NFKB2: variants seen among roughly 807,000 people sequenced by gnomAD.
NFKB2 encodes nuclear factor kappa B subunit 2, also known as nuclear factor NF-kappa-B p100 subunit.
In NFKB2, 21 loss-of-function variants were observed where a neutral mutation model predicts 109.3. That is an observed-to-expected ratio of 0.19 (90% CI 0.14 to 0.28). NFKB2 has a LOEUF of 0.28. NFKB2 is among the 10% of genes least tolerant of loss of function. The probability of loss-of-function intolerance (pLI) is 1.00; values close to 1 mark genes in which losing one functional copy is unlikely to be tolerated. For synonymous variants in NFKB2, 478 were observed against 489.9 expected (o/e 0.98, Z 0.32); for missense variants, 806 against 1,185.3 (o/e 0.68, Z 4.70).
Position 102,397,513 on chromosome 10 carries a change from T to G in NFKB2, c.503-14T>G. 1 of 1,612,058 alleles carries G rather than the reference T, an allele frequency of 6.2e-7. No homozygotes were observed. The highest frequency in any genetic ancestry group is 1.1e-5 in the South Asian group (1 of 91,024). On this transcript the variant is annotated splice_polypyrimidine_tract_variant and intron_variant, in intron 7 of 22. Transcript: ENST00000661543. The surrounding 1 kb of genome is among the most constrained non-coding windows in gnomAD (Gnocchi z 4.7). ...GGGAGAAGCCCAGGGGTCACACATG[T>G]ACCTACTGCCCAGAGGCCGAGCAGC...
chr10:102,396,098 A>C lies in NFKB2; in HGVS notation c.21+118A>C. Reference sequence around the variant, plus strand: ...TGCTCGCAGATGCTCTCAGCCTGCCAGTCTGTCCATCTGTCTGCAACTCTG... The same window carrying C: ...TGCTCGCAGATGCTCTCAGCCTGCCCGTCTGTCCATCTGTCTGCAACTCTG... On this transcript the variant is annotated intron_variant, in intron 2 of 22. Coordinates refer to ENST00000661543, the MANE Select transcript of NFKB2 (RefSeq NM_001322934.2). This position sits in a 1 kb window ranked among gnomAD's most constrained non-coding sequence, Gnocchi z 5.9. 1 of 1,498,888 alleles carries C rather than the reference A, an allele frequency of 6.7e-7. No homozygotes were observed. 92.8% of individuals were successfully genotyped at this position (1,498,888 alleles called of 1,614,324 possible).
In NFKB2 at chr10:102,396,804, A is replaced by G; in HGVS notation, c.224A>G (p.Lys75Arg). 1 of 1,612,538 alleles carries G rather than the reference A, an allele frequency of 6.2e-7. No individual in the cohort carries two copies. The highest frequency in any genetic ancestry group is 1.1e-5 in the South Asian group (1 of 91,068). ...GGTGCCTCCAGTGAGAAGGGCCGAA[A>G]GACCTATCCCACTGTCAAGGTGAGC... The part of the protein sequence containing the change: ...LPGASSEKGR[K>R]TYPTVKICNY... Residue 75 changes from lysine (K) to arginine (R), a missense_variant, in exon 5 of 23, where the codon AAG becomes AGG. Lys to Arg is a conservative substitution (Grantham distance 26). Coordinates refer to ENST00000661543, the MANE Select transcript of NFKB2 (RefSeq NM_001322934.2). The surrounding 1 kb of genome is among the most constrained non-coding windows in gnomAD (Gnocchi z 5.9).
upstream of NFKB2, chr10:102,395,586 A>G (rs947391437): frequency 1.5e-5 from 6 of 398,814 alleles, no homozygotes; most frequent in African/African-American, 1.0e-4. Context: ...GAGCCCGTAG[A>G]CTGTCGAGGG....
At position 102,400,415 on chromosome 10, in the gene NFKB2, T is replaced by C. The variant is rs2135437836; in HGVS notation, c.1722T>C (p.Ala574=). 6.2e-7 allele frequency: 1 copy of C among 1,613,012 alleles called. No individual in the cohort carries two copies. Among genetic ancestry groups the C allele is most frequent in the Non-Finnish European group, 8.5e-7 (1 of 1,179,990 alleles). The change falls in exon 16 of 23, where the codon GCT becomes GCC. Residue 574 remains alanine, a synonymous_variant. Transcript: ENST00000661543. The surrounding 1 kb of genome is among the most constrained non-coding windows in gnomAD (Gnocchi z 6.3). ...TGGCGCTGCGGGCAGGCGCTGGTGC[T>C]CCTGAGCTGCTGCGTGCACTGCTTC... The part of the protein sequence containing the change: ...MHLALRAGAG[A]PELLRALLQS...
chr10:102,402,291 T>C lies in NFKB2; in HGVS notation c.2618T>C (p.Val873Ala). ...KEDSAYGSQS[V>A]EQEAEKLGPP... ...GACAGTGCGTACGGGAGCCAGTCAG[T>C]GGAGCAGGAGGCAGAGAAGCTGGGC... Residue 873 changes from valine to alanine, a missense_variant, in exon 23 of 23, where the codon GTG (valine) becomes GCG (alanine). By Grantham distance (64) the Val-to-Ala change is moderately conservative. Transcript: ENST00000661543. 6.4e-7 allele frequency: 1 copy of C among 1,560,842 alleles called. No individual in the cohort carries two copies. Among genetic ancestry groups the C allele is most frequent in the Non-Finnish European group, 8.7e-7 (1 of 1,152,230 alleles).
At position 102,399,654 on chromosome 10, in the gene NFKB2, G is replaced by A; in HGVS notation, c.1405G>A (p.Asp469Asn). ...CCTACTCGACTACGGCGTCACCGCG[G>A]ACGCGCGCGCGCTGCTGGCGGGACA... ...RALLDYGVTADARALLAGQRH... is the reference protein window; with the variant it reads ...RALLDYGVTANARALLAGQRH... Residue 469 changes from aspartate (D) to asparagine (N), a missense_variant, in exon 14 of 23, where the codon GAC becomes AAC. By Grantham distance (23) the Asp-to-Asn change is conservative. Coordinates refer to ENST00000661543, the MANE Select transcript of NFKB2 (RefSeq NM_001322934.2). 1 of 1,535,006 alleles carries A rather than the reference G, an allele frequency of 6.5e-7. No individual in the cohort carries two copies. Among genetic ancestry groups the A allele is most frequent in the Non-Finnish European group, 8.8e-7 (1 of 1,139,614 alleles).
intron 12 of NFKB2, 80 bp from the exon 13 acceptor site, chr10:102,399,208 T>G: frequency 3.8e-6 from 5 of 1,319,774 alleles, no homozygotes; most frequent in Non-Finnish European, 4.1e-6. Flanking sequence ...AGAGCGAAAC[T>G]CCGTCTCAAA....
In NFKB2 at chr10:102,395,793, G is replaced by A. The variant is rs1385616834; in HGVS notation, c.-76G>A. The A allele has an allele frequency of 4.5e-6, 3 of 673,374 alleles. No homozygotes were observed. The highest frequency in any genetic ancestry group is 2.8e-5 in the East Asian group (1 of 36,338). 41.7% of individuals were successfully genotyped at this position (673,374 alleles called of 1,614,324 possible). A position where few individuals can be genotyped will look rare whatever the true frequency, so the allele number is the denominator to read the frequency against. On this transcript the variant is annotated 5_prime_UTR_variant, in exon 1 of 23. Transcript: ENST00000661543. ...CGCCACACCCGGACAGGCGGCTGGA[G>A]GAGGTCGGACCCTCCCCCAAATCTG...
At position 102,401,190 on chromosome 10, in the gene NFKB2, C is replaced by T; in HGVS notation, c.2082C>T (p.Ile694=). ...GCCTCCCTCTCCCAGGTGCTGACAT[C>T]CATGCTGAAAACGAGGAGCCCCTGT... is the stretch of plus-strand genomic sequence containing the variant. ...TRLLLKAGAD[I]HAENEEPLCP... is the part of the protein sequence containing the mutation. Residue 694 remains isoleucine (I), a synonymous_variant, in exon 19 of 23, where the codon ATC becomes ATT. Coordinates refer to ENST00000661543, the MANE Select transcript of NFKB2 (RefSeq NM_001322934.2). The surrounding 1 kb of genome is among the most constrained non-coding windows in gnomAD (Gnocchi z 4.2). 4.4e-6 allele frequency: 7 copies of T among 1,593,430 alleles called. No homozygotes were observed. The highest frequency in any genetic ancestry group is 6.0e-6 in the Non-Finnish European group (7 of 1,167,716).
At position 102,398,538 on chromosome 10, in the gene NFKB2, A is replaced by G; in HGVS notation, c.991+15A>G. The G allele has an allele frequency of 3.1e-6, 5 of 1,612,778 alleles. No individual in the cohort carries two copies. The highest frequency in any genetic ancestry group is 4.2e-6 in the Non-Finnish European group (5 of 1,179,080). On this transcript the variant is annotated intron_variant, in intron 11 of 22. Coordinates refer to ENST00000661543, the MANE Select transcript of NFKB2 (RefSeq NM_001322934.2). The surrounding 1 kb of genome is among the most constrained non-coding windows in gnomAD (Gnocchi z 6.6). ...TCTGGTGGAAGGTGGAGCTGGGCTG[A>G]GGACCTCAGGGTGCTGGCGGGGGGC...
chr10:102,394,380 G>C (rs1407576266), upstream of NFKB2: 1 of 152,370 alleles, frequency 6.6e-6, no homozygotes, highest in Non-Finnish European at 1.5e-5. Context: ...TCAGGGGCGC[G>C]CCCGAGTCGC....
In NFKB2 at chr10:102,399,602, C is replaced by T; in HGVS notation, c.1353C>T (p.Phe451=). The T allele has an allele frequency of 6.5e-7, 1 of 1,548,790 alleles. No homozygotes were observed. Among genetic ancestry groups the T allele is most frequent in the Non-Finnish European group, 8.7e-7 (1 of 1,146,628 alleles). The change falls in exon 14 of 23, where the codon TTC becomes TTT. Residue 451 remains phenylalanine (F), a synonymous_variant. Coordinates refer to ENST00000661543, the MANE Select transcript of NFKB2 (RefSeq NM_001322934.2). The part of the protein sequence containing the change: ...QRAREYNARL[F]GLAQRSARAL... ...CTCGAGAGTACAACGCGCGCCTGTT[C>T]GGCCTGGCGCAGCGCAGCGCCCGAG...
rs1186740837 is a variant in NFKB2, at chr10:102,398,257, AGGCCTTTGGGGACTTCTC to A, written c.813_830del (p.Gln271_Ser277delinsHis). 6.2e-7 allele frequency: 1 copy of A among 1,614,024 alleles called. No homozygotes were observed. Among genetic ancestry groups the A allele is most frequent in the Non-Finnish European group, 8.5e-7 (1 of 1,180,024 alleles). ...TATGAGGATGATGAGAATGGATGGC[AGGCCTTTGGGGACTTCTC>A]TCCCACAGATGTGCATAAACAGGTA... On this transcript the variant is annotated inframe_deletion, in exon 10 of 23. Transcript: ENST00000661543. This position sits in a 1 kb window ranked among gnomAD's most constrained non-coding sequence, Gnocchi z 6.6.
Position 102,400,463 on chromosome 10 carries a change from C to T in NFKB2, c.1770C>T (p.Pro590=). 6.2e-7 allele frequency: 1 copy of T among 1,610,412 alleles called. No homozygotes were observed. Among genetic ancestry groups the T allele is most frequent in the South Asian group, 1.1e-5 (1 of 90,804 alleles). The change falls in exon 16 of 23, where the codon CCC becomes CCT. Residue 590 remains proline (P), a synonymous_variant. Coordinates refer to ENST00000661543, the MANE Select transcript of NFKB2 (RefSeq NM_001322934.2). The surrounding 1 kb of genome is among the most constrained non-coding windows in gnomAD (Gnocchi z 6.3). ...TTCAGAGTGGAGCTCCTGCTGTGCC[C>T]CAGCTGTTGCATATGCCTGACTTTG... ...ALLQSGAPAV[P]QLLHMPDFEG... is the part of the protein sequence containing the mutation.
chr10:102,398,627 G>C lies in NFKB2; in HGVS notation c.991+104G>C. Reference sequence around the variant, plus strand: ...GGGATGCATGAGCCAAGTCAGAAGTGCGAGGGTCCCAGGAGGTGCTTCCTA... The same window carrying C: ...GGGATGCATGAGCCAAGTCAGAAGTCCGAGGGTCCCAGGAGGTGCTTCCTA... On this transcript the variant is annotated intron_variant, in intron 11 of 22. Transcript: ENST00000661543. The surrounding 1 kb of genome is among the most constrained non-coding windows in gnomAD (Gnocchi z 6.6). 1.9e-6 allele frequency: 3 copies of C among 1,610,472 alleles called. No individual in the cohort carries two copies. In the South Asian group the frequency reaches 3.3e-5, roughly 18 times the overall value.
In NFKB2 at chr10:102,401,686, T is replaced by A; in HGVS notation, c.2294-59T>A. The A allele has an allele frequency of 6.4e-7, 1 of 1,555,256 alleles. No homozygotes were observed. Among genetic ancestry groups the A allele is most frequent in the Non-Finnish European group, 8.7e-7 (1 of 1,146,830 alleles). ...TTGGGAGAAAGGCAGTGTTCAGGTG[T>A]CCATGTCCCCACCCAACTCTGGAGG... On this transcript the variant is annotated intron_variant, in intron 20 of 22. Transcript: ENST00000661543. This position sits in a 1 kb window ranked among gnomAD's most constrained non-coding sequence, Gnocchi z 4.2.
At position 102,396,726 on chromosome 10, in the gene NFKB2, G is replaced by C; in HGVS notation, c.146G>C (p.Arg49Thr). 6.2e-7 allele frequency: 1 copy of C among 1,611,632 alleles called. No homozygotes were observed. Among genetic ancestry groups the C allele is most frequent in the Non-Finnish European group, 8.5e-7 (1 of 1,177,938 alleles). Residue 49 changes from arginine to threonine, a missense_variant and splice_region_variant, in exon 5 of 23, where the codon AGA (arginine) becomes ACA (threonine). Around this residue, in one of 10 missense-constraint regions of NFKB2, gnomAD observed 24 missense variants for 105.2 expected, o/e 0.23. Transcript: ENST00000661543. This position sits in a 1 kb window ranked among gnomAD's most constrained non-coding sequence, Gnocchi z 5.9. ...YLVIVEQPKQRGFRFRYGCEG... is the reference protein window; with the variant it reads ...YLVIVEQPKQTGFRFRYGCEG... ...GCTACTATGCCCTTGGACCTTCAGA[G>C]AGGCTTCCGATTTCGATATGGCTGT...
At position 102,401,108 on chromosome 10, in the gene NFKB2, C is replaced by G. The variant is rs2061233299; in HGVS notation, c.2071+59C>G. 1 of 1,611,698 alleles carries G rather than the reference C, an allele frequency of 6.2e-7. No homozygotes were observed. Among genetic ancestry groups the G allele is most frequent in the African/African-American group, 1.3e-5 (1 of 74,960 alleles). On this transcript the variant is annotated intron_variant, in intron 18 of 22. Transcript: ENST00000661543. The surrounding 1 kb of genome is among the most constrained non-coding windows in gnomAD (Gnocchi z 4.2). ...TGGGGGGAAGGGAGAGAGGTGCCTC[C>G]CAGTCCCCCGACTTTGCAGTCCTTA...
Position 102,396,284 on chromosome 10 carries a change from T to A in NFKB2, c.53T>A (p.Phe18Tyr). Residue 18 changes from phenylalanine to tyrosine, a missense_variant, in exon 3 of 23, where the codon TTC becomes TAC. By Grantham distance (22) the Phe-to-Tyr change is conservative. This residue lies in a region of NFKB2 where 39 missense variants were observed against 35.6 expected (regional missense o/e 1.09). Transcript: ENST00000661543. This position sits in a 1 kb window ranked among gnomAD's most constrained non-coding sequence, Gnocchi z 5.9. ...GLDGIIEYDD[F>Y]KLNSSIVEPK... ...GATGGTATTATTGAATATGATGATT[T>A]CAAATTGAACTCCTCCATTGTGGAA... 6.2e-7 allele frequency: 1 copy of A among 1,612,800 alleles called. No homozygotes were observed. The highest frequency in any genetic ancestry group is 1.3e-5 in the African/African-American group (1 of 74,930).
Sources: allele counts gnomAD v4.1 joint callset, GRCh38; gene constraint gnomAD v4.1.1; regional missense constraint gnomAD v4.1.1; non-coding constraint Gnocchi (gnomAD v3.1); transcripts MANE v1.5; gene names NCBI Gene and HGNC (gene_info 2026-07-23, HGNC 2026-07-21).